Variants in ZBED5 observed in about 807,000 individuals in gnomAD.
ZBED5 encodes zinc finger BED-type containing 5, also known as zinc finger BED domain-containing protein 5.
ZBED5 carries 29 observed loss-of-function variants against 49.2 expected under a neutral mutation model. That is an observed-to-expected ratio of 0.59 (90% CI 0.44 to 0.80). ZBED5 has a LOEUF of 0.80. Ranked by LOEUF, ZBED5 falls within the 30% of genes least tolerant of loss-of-function variation. The pLI is 0.00. For missense variants in ZBED5, 775 were observed against 812.9 expected, an observed-to-expected ratio of 0.95 and a Z score of 0.57; for synonymous variants, 281 against 292.5, an observed-to-expected ratio of 0.96 and a Z score of 0.40.
At position 10,853,163 on chromosome 11, in the gene ZBED5, G is replaced by A. The variant is rs1403154768; in HGVS notation, c.1783C>T (p.Leu595=). The A allele has an allele frequency of 2.6e-6, 4 of 1,551,596 alleles. No homozygotes were observed. In the Admixed American group the frequency reaches 7.8e-5, roughly 30 times the overall value. Residue 595 remains leucine (L), a synonymous_variant, in exon 3 of 3, where the codon CTG becomes TTG. Coordinates refer to ENST00000413761, the MANE Select transcript of ZBED5 (RefSeq NM_001143667.2). The surrounding 1 kb of genome is among the most constrained non-coding windows in gnomAD (Gnocchi z 5.4). ...TGAGAATCAGATGTTAAATCAATCA[G>A]GCTCTCATAGTCCCGTGCTACTAAT... ...ASLVARDYES[L]IDLTSDSQVK... is the part of the protein sequence containing the mutation.
In ZBED5 at chr11:10,852,951, T is replaced by C; in HGVS notation, c.1995A>G (p.Ala665=). ...KTKYRKRLDA[A]PHMRIRLSNI... ...TGCTAAGTCGGATTCGCATATGAGGTGCAGCATCAAGTCTTTTCCTATATT... is the reference window on the plus strand; with the variant it reads ...TGCTAAGTCGGATTCGCATATGAGGCGCAGCATCAAGTCTTTTCCTATATT... Residue 665 remains alanine, a synonymous_variant, in exon 3 of 3, where the codon GCA becomes GCG. Coordinates refer to ENST00000413761, the MANE Select transcript of ZBED5 (RefSeq NM_001143667.2). The C allele has an allele frequency of 6.4e-7, 1 of 1,551,630 alleles. No individual in the cohort carries two copies. The highest frequency in any genetic ancestry group is 8.7e-7 in the Non-Finnish European group (1 of 1,146,946).
At position 10,853,271 on chromosome 11, in the gene ZBED5, T is replaced by A; in HGVS notation, c.1675A>T (p.Thr559Ser). The A allele has an allele frequency of 6.4e-7, 1 of 1,551,536 alleles. No individual in the cohort carries two copies. Among genetic ancestry groups the A allele is most frequent in the African/African-American group, 1.4e-5 (1 of 73,144 alleles). Residue 559 changes from threonine to serine, a missense_variant, in exon 3 of 3, where the codon ACT becomes TCT. Physicochemically the swap from Thr to Ser is moderately conservative, Grantham distance 58. Coordinates refer to ENST00000413761, the MANE Select transcript of ZBED5 (RefSeq NM_001143667.2). This position sits in a 1 kb window ranked among gnomAD's most constrained non-coding sequence, Gnocchi z 5.4. ...IVQHLRGLRA[T>S]LLKYFPVTND... ...GTTACAGGAAAGTATTTTAACAGAGTAGCGCGCAAACCCCTTAGGTGCTGC... is the reference window on the plus strand; with the variant it reads ...GTTACAGGAAAGTATTTTAACAGAGAAGCGCGCAAACCCCTTAGGTGCTGC...
chr11:10,854,317 G>A lies in ZBED5; in HGVS notation c.629C>T (p.Ala210Val). 1.3e-6 allele frequency: 2 copies of A among 1,550,642 alleles called. No individual in the cohort carries two copies. Among genetic ancestry groups the A allele is most frequent in the Admixed American group, 2.0e-5 (1 of 50,976 alleles). ...VSYHIALSGEAHTIGELLIKP... is the reference protein window; with the variant it reads ...VSYHIALSGEVHTIGELLIKP... ...GATAAGCAATTCTCCAATAGTATGA[G>A]CCTCTCCACTCAGCGCTATATGGTA... The change falls in exon 3 of 3, where the codon GCT becomes GTT. Residue 210 changes from alanine to valine, a missense_variant. Ala to Val is a moderately conservative substitution (Grantham distance 64). Coordinates refer to ENST00000413761, the MANE Select transcript of ZBED5 (RefSeq NM_001143667.2). The surrounding 1 kb of genome is among the most constrained non-coding windows in gnomAD (Gnocchi z 5.0).
In ZBED5 at chr11:10,853,394, A is replaced by C; in HGVS notation, c.1552T>G (p.Ser518Ala). The C allele has an allele frequency of 2.6e-6, 4 of 1,550,452 alleles. No individual in the cohort carries two copies. The highest frequency in any genetic ancestry group is 2.6e-6 in the Non-Finnish European group (3 of 1,146,444). Residue 518 changes from serine (S) to alanine (A), a missense_variant, in exon 3 of 3, where the codon TCT becomes GCT. Ser to Ala is a moderately conservative substitution (Grantham distance 99). Transcript: ENST00000413761. This position sits in a 1 kb window ranked among gnomAD's most constrained non-coding sequence, Gnocchi z 5.4. ...CAATCAAAGTTTTCTTCTTCTACAG[A>C]TGAGGCCCAAAATTCCAATTTTCTT... ...LLRKLEFWAS[S>A]VEEENFDCFP...
chr11:10,854,851 T>A lies in ZBED5; in HGVS notation c.95A>T (p.Asn32Ile). 6.4e-7 allele frequency: 1 copy of A among 1,551,920 alleles called. No homozygotes were observed. Among genetic ancestry groups the A allele is most frequent in the East Asian group, 2.4e-5 (1 of 40,886 alleles). The change falls in exon 3 of 3, where the codon AAC becomes ATC. Residue 32 changes from asparagine to isoleucine, a missense_variant. By Grantham distance (149) the Asn-to-Ile change is moderately radical. Coordinates refer to ENST00000413761, the MANE Select transcript of ZBED5 (RefSeq NM_001143667.2). The surrounding 1 kb of genome is among the most constrained non-coding windows in gnomAD (Gnocchi z 5.0). The stretch of plus-strand genomic sequence containing the variant: ...CAGCAACAGATCCATGGGCAATGAG[T>A]TTGTGGTACAAAACATGGTTAATTT... ...YSKLTMFCTTNSLPMDLLLKQ... is the reference protein window; with the variant it reads ...YSKLTMFCTTISLPMDLLLKQ...
chr11:10,853,921 C>CA lies in ZBED5; in HGVS notation c.1024dup (p.Cys342LeufsTer2). On this transcript the variant is annotated frameshift_variant, in exon 3 of 3. Coordinates refer to ENST00000413761, the MANE Select transcript of ZBED5 (RefSeq NM_001143667.2). LOFTEE classifies it high-confidence loss of function. The surrounding 1 kb of genome is among the most constrained non-coding windows in gnomAD (Gnocchi z 5.4). Reference sequence around the variant, plus strand: ...ATCCACTGCCCTAGAAGCATCACTACAAACATCAACACATTTTTCCCATTC... The same window carrying CA: ...ATCCACTGCCCTAGAAGCATCACTACAAAACATCAACACATTTTTCCCATTC... 1 of 1,551,594 alleles carries CA rather than the reference C, an allele frequency of 6.4e-7. No homozygotes were observed. The highest frequency in any genetic ancestry group is 8.7e-7 in the Non-Finnish European group (1 of 1,146,942).
rs1271790255 is a variant in ZBED5 at position 10,854,482 on chromosome 11, G to A, written c.464C>T (p.Thr155Ile). The stretch of plus-strand genomic sequence containing the variant: ...TTTGTCTTTATATGCAGCATGTTTA[G>A]TTTCCAAATGTCTTCGAAGCTTACT... ...APSKLRRHLE[T>I]KHAAYKDKDI... is the part of the protein sequence containing the mutation. Residue 155 changes from threonine to isoleucine, a missense_variant, in exon 3 of 3, where the codon ACT (threonine) becomes ATT (isoleucine). By Grantham distance (89) the Thr-to-Ile change is moderately conservative (BLOSUM62 -1). Coordinates refer to ENST00000413761, the MANE Select transcript of ZBED5 (RefSeq NM_001143667.2). The surrounding 1 kb of genome is among the most constrained non-coding windows in gnomAD (Gnocchi z 5.0). The A allele has an allele frequency of 1.9e-6, 3 of 1,551,410 alleles. No homozygotes were observed. The East Asian group carries it at 7.3e-5, about 38-fold the overall frequency.
chr11:10,853,154 A>T lies in ZBED5; in HGVS notation c.1792T>A (p.Leu598Ile), dbSNP rs1215181399. 6.4e-7 allele frequency: 1 copy of T among 1,551,536 alleles called. No homozygotes were observed. Among genetic ancestry groups the T allele is most frequent in the Non-Finnish European group, 8.7e-7 (1 of 1,146,950 alleles). ...VARDYESLIDLTSDSQVKQNF... is the reference protein window; with the variant it reads ...VARDYESLIDITSDSQVKQNF... ...TGCTTCACTTGAGAATCAGATGTTA[A>T]ATCAATCAGGCTCTCATAGTCCCGT... Residue 598 changes from leucine (L) to isoleucine (I), a missense_variant, in exon 3 of 3, where the codon TTA becomes ATA. Leu to Ile is a conservative substitution (Grantham distance 5). Coordinates refer to ENST00000413761, the MANE Select transcript of ZBED5 (RefSeq NM_001143667.2). This position sits in a 1 kb window ranked among gnomAD's most constrained non-coding sequence, Gnocchi z 5.4.
chr11:10,853,782 T>TA lies in ZBED5; in HGVS notation c.1163dup (p.Asn390LysfsTer14). ...GTACTGCCTGGTCTAGCACATTTTT[T>TA]AGAGATGTAGGCATTATTTTAACTG... On this transcript the variant is annotated frameshift_variant, in exon 3 of 3. Coordinates refer to ENST00000413761, the MANE Select transcript of ZBED5 (RefSeq NM_001143667.2). LOFTEE classifies it high-confidence loss of function. This position sits in a 1 kb window ranked among gnomAD's most constrained non-coding sequence, Gnocchi z 5.4. The TA allele has an allele frequency of 6.4e-7, 1 of 1,551,630 alleles. No individual in the cohort carries two copies. The highest frequency in any genetic ancestry group is 8.7e-7 in the Non-Finnish European group (1 of 1,146,926).
chr11:10,854,588 T>C lies in ZBED5; in HGVS notation c.358A>G (p.Thr120Ala). ...GGTGCATCTCTATTTCCGAAGTAAG[T>C]AAATCCAAAAGACAAATAACTTTCA... The part of the protein sequence containing the change: ...YDESYLSFGF[T>A]YFGNRDAPHA... Residue 120 changes from threonine (T) to alanine (A), a missense_variant, in exon 3 of 3, where the codon ACT (threonine) becomes GCT (alanine). Physicochemically the swap from Thr to Ala is moderately conservative, Grantham distance 58. Coordinates refer to ENST00000413761, the MANE Select transcript of ZBED5 (RefSeq NM_001143667.2). The surrounding 1 kb of genome is among the most constrained non-coding windows in gnomAD (Gnocchi z 5.0). The C allele has an allele frequency of 6.4e-7, 1 of 1,551,302 alleles. No homozygotes were observed. The highest frequency in any genetic ancestry group is 8.7e-7 in the Non-Finnish European group (1 of 1,146,852).
chr11:10,854,832 C>G lies in ZBED5; in HGVS notation c.114G>C (p.Leu38=), dbSNP rs748702365. 1.0e-5 allele frequency: 16 copies of G among 1,551,960 alleles called. No individual in the cohort carries two copies. Among genetic ancestry groups the G allele is most frequent in the Middle Eastern group, 3.3e-4 (2 of 6,016 alleles). Residue 38 remains leucine (L), a synonymous_variant, in exon 3 of 3, where the codon CTG becomes CTC. Transcript: ENST00000413761. This position sits in a 1 kb window ranked among gnomAD's most constrained non-coding sequence, Gnocchi z 5.0. ...GTTTAAGACTTCCTTGTTTCAGCAA[C>G]AGATCCATGGGCAATGAGTTTGTGG... ...FCTTNSLPMD[L]LLKQGSLKQE...
chr11:10,853,231 GCAT>G lies in ZBED5; in HGVS notation c.1712_1714del (p.Asn571_Ala572delinsThr), dbSNP rs1250026387. ...AACTGTAAATGGATTTCTAACCCAA[GCAT>G]TATTGTCATTTGTTACAGGAAAGTA... On this transcript the variant is annotated inframe_deletion, in exon 3 of 3. Transcript: ENST00000413761. The surrounding 1 kb of genome is among the most constrained non-coding windows in gnomAD (Gnocchi z 5.4). 1 of 1,551,486 alleles carries G rather than the reference GCAT, an allele frequency of 6.4e-7. No individual in the cohort carries two copies. The highest frequency in any genetic ancestry group is 2.0e-5 in the Admixed American group (1 of 50,996).
rs1319908962 is a variant in ZBED5, at chr11:10,853,393, G to A, written c.1553C>T (p.Ser518Phe). The A allele has an allele frequency of 3.9e-6, 6 of 1,550,254 alleles. No individual in the cohort carries two copies. Among genetic ancestry groups the A allele is most frequent in the African/African-American group, 1.4e-5 (1 of 72,940 alleles). ...ACAATCAAAGTTTTCTTCTTCTACA[G>A]ATGAGGCCCAAAATTCCAATTTTCT... The part of the protein sequence containing the change: ...LLRKLEFWAS[S>F]VEEENFDCFP... Residue 518 changes from serine to phenylalanine, a missense_variant, in exon 3 of 3, where the codon TCT (serine) becomes TTT (phenylalanine). Ser to Phe is a radical substitution (Grantham distance 155, BLOSUM62 -2). Coordinates refer to ENST00000413761, the MANE Select transcript of ZBED5 (RefSeq NM_001143667.2). The surrounding 1 kb of genome is among the most constrained non-coding windows in gnomAD (Gnocchi z 5.4).
chr11:10,857,251 C>G lies in ZBED5; in HGVS notation c.-256+611G>C, dbSNP rs1848194919. On this transcript the variant is annotated intron_variant, in intron 1 of 2. Coordinates refer to ENST00000413761, the MANE Select transcript of ZBED5 (RefSeq NM_001143667.2). This position sits in a 1 kb window ranked among gnomAD's most constrained non-coding sequence, Gnocchi z 6.3. ...TTCGAAGGTGTTTCCCCGAATTTCT[C>G]GAGGACAAAGAATCTGGACTCCTTT... 2 of 152,220 alleles carry G rather than the reference C, an allele frequency of 1.3e-5. No individual in the cohort carries two copies. Among genetic ancestry groups the G allele is most frequent in the Non-Finnish European group, 2.9e-5 (2 of 68,050 alleles). 9.4% of individuals were successfully genotyped at this position (152,220 alleles called of 1,614,324 possible).
In ZBED5 at chr11:10,854,091, T is replaced by G; in HGVS notation, c.855A>C (p.Gly285=). Residue 285 remains glycine (G), a synonymous_variant, in exon 3 of 3, where the codon GGA becomes GGC. Coordinates refer to ENST00000413761, the MANE Select transcript of ZBED5 (RefSeq NM_001143667.2). This position sits in a 1 kb window ranked among gnomAD's most constrained non-coding sequence, Gnocchi z 5.0. ...GAACAAACACAAGCAGCACAGCAAG[T>G]CCTGAAACATCAGCTGATTCATCTA... is the stretch of plus-strand genomic sequence containing the variant. ...LQLDESADVS[G]LAVLLVFVRY... is the part of the protein sequence containing the mutation. 6.4e-7 allele frequency: 1 copy of G among 1,550,672 alleles called. No homozygotes were observed. The highest frequency in any genetic ancestry group is 1.4e-5 in the African/African-American group (1 of 72,994).
In ZBED5 at chr11:10,854,560, T is replaced by G; in HGVS notation, c.386A>C (p.His129Pro). 1 of 1,551,506 alleles carries G rather than the reference T, an allele frequency of 6.4e-7. No homozygotes were observed. Among genetic ancestry groups the G allele is most frequent in the Non-Finnish European group, 8.7e-7 (1 of 1,146,926 alleles). Reference sequence around the variant, plus strand: ...TTTCTTACATAATACACACTGAGCATGAGGTGCATCTCTATTTCCGAAGTA... The same window carrying G: ...TTTCTTACATAATACACACTGAGCAGGAGGTGCATCTCTATTTCCGAAGTA... ...FTYFGNRDAPHAQCVLCKKIL... is the reference protein window; with the variant it reads ...FTYFGNRDAPPAQCVLCKKIL... The change falls in exon 3 of 3, where the codon CAT becomes CCT. Residue 129 changes from histidine (H) to proline (P), a missense_variant. By Grantham distance (77) the His-to-Pro change is moderately conservative. Coordinates refer to ENST00000413761, the MANE Select transcript of ZBED5 (RefSeq NM_001143667.2). The surrounding 1 kb of genome is among the most constrained non-coding windows in gnomAD (Gnocchi z 5.0).
At position 10,852,847 on chromosome 11, in the gene ZBED5, T is replaced by C. The variant is rs973351006; in HGVS notation, c.*17A>G. Reference sequence around the variant, plus strand: ...TCTTACATTTGGTTATCATGAGACATGCAAACTCCTCCAATTTTAATGAGA... The same window carrying C: ...TCTTACATTTGGTTATCATGAGACACGCAAACTCCTCCAATTTTAATGAGA... On this transcript the variant is annotated 3_prime_UTR_variant, in exon 3 of 3. Transcript: ENST00000413761. 10 of 1,507,970 alleles carry C rather than the reference T, an allele frequency of 6.6e-6. No homozygotes were observed. The highest frequency in any genetic ancestry group is 2.1e-5 in the Admixed American group (1 of 47,662). 93.4% of individuals were successfully genotyped at this position (1,507,970 alleles called of 1,614,324 possible). A position where few individuals can be genotyped will look rare whatever the true frequency, so the allele number is the denominator to read the frequency against.
rs528757375 is a variant in ZBED5 at position 10,852,933 on chromosome 11, T to C, written c.2013A>G (p.Arg671=). The C allele has an allele frequency of 7.1e-6, 11 of 1,551,552 alleles. No homozygotes were observed. Among genetic ancestry groups the C allele is most frequent in the Non-Finnish European group, 9.6e-6 (11 of 1,146,850 alleles). Residue 671 remains arginine, a synonymous_variant, in exon 3 of 3, where the codon CGA becomes CGG. Coordinates refer to ENST00000413761, the MANE Select transcript of ZBED5 (RefSeq NM_001143667.2). ...TAATATTAGGTGTAATATTGCTAAGTCGGATTCGCATATGAGGTGCAGCAT... is the reference window on the plus strand; with the variant it reads ...TAATATTAGGTGTAATATTGCTAAGCCGGATTCGCATATGAGGTGCAGCAT... The part of the protein sequence containing the change: ...RLDAAPHMRI[R]LSNITPNIKR...
Position 10,854,381 on chromosome 11 carries a change from C to G in ZBED5, c.565G>C (p.Asp189His), listed in dbSNP as rs1403887676. The change falls in exon 3 of 3, where the codon GAT becomes CAT. Residue 189 changes from aspartate (D) to histidine (H), a missense_variant. Asp to His is a moderately conservative substitution (Grantham distance 81, BLOSUM62 -1). Transcript: ENST00000413761. The surrounding 1 kb of genome is among the most constrained non-coding windows in gnomAD (Gnocchi z 5.0). The part of the protein sequence containing the change: ...KPPTPKIVNT[D>H]NESATEASYN... ...GATGCTTCTGTAGCACTTTCATTAT[C>G]TGTATTCACAATTTTAGGTGTTGGG... 1.9e-6 allele frequency: 3 copies of G among 1,550,938 alleles called. No individual in the cohort carries two copies. Among genetic ancestry groups the G allele is most frequent in the Non-Finnish European group, 2.6e-6 (3 of 1,146,924 alleles).
Sources: gnomAD v4.1 joint callset for allele counts on GRCh38, gnomAD v4.1.1 for gene constraint, Gnocchi (gnomAD v3.1) non-coding constraint, MANE v1.5 for transcripts, NCBI Gene and HGNC (gene_info 2026-07-23, HGNC 2026-07-21) for gene names.